MAML3: variants seen among roughly 807,000 people sequenced by gnomAD.
MAML3 encodes mastermind like transcriptional coactivator 3.
MAML3 carries 27 observed loss-of-function variants against 101.9 expected under a neutral mutation model. That is an observed-to-expected ratio of 0.27 (90% CI 0.20 to 0.37). The LOEUF is 0.37. Ranked by LOEUF, MAML3 falls within the 10% of genes least tolerant of loss-of-function variation. The pLI is 1.00. For synonymous variants in MAML3, 501 were observed against 555.9 expected (o/e 0.90, Z 1.39); for missense variants, 1,316 against 1,444.9 (o/e 0.91, Z 1.45).
intron 1 of MAML3, among the ~76,000 whole-genome samples, chr4:139,921,817 G>A (rs1479868195): frequency 6.6e-6 from 1 of 152,148 alleles, no homozygotes; most frequent in Admixed American, 6.5e-5. Flanking sequence ...CTGGCCTAAC[G>A]GATGCTTGTT....
rs142731712 is a variant in MAML3 at position 139,983,660 on chromosome 4, T to A, written c.469-92693A>T. ...CAAAAAGTTTCAGATAGTGGAGCAT[T>A]TCAGATTTCAGATTTTTGGATTTGG... On this transcript the variant is annotated intron_variant, in intron 1 of 4. Transcript: ENST00000509479. Among the ~76,000 whole-genome samples the A allele has an allele frequency of 4.1e-3, 619 of 152,318 alleles. 1 individual carries two copies. The highest frequency in any genetic ancestry group is 0.013 in the South Asian group (61 of 4,822).
intron 1 of MAML3, among the ~76,000 whole-genome samples, chr4:139,994,700 CG>C (rs923554263): frequency 6.6e-6 from 1 of 151,794 alleles, no homozygotes; most frequent in Non-Finnish European, 1.5e-5. Flanking sequence ...AGAAATGGAA[CG>C]TTTTTGTATA....
chr4:140,069,368 GA>G (rs1727593019), intron 1 of MAML3, among the ~76,000 whole-genome samples: 1 of 134,774 alleles, frequency 7.4e-6, no homozygotes, highest in Admixed American at 8.0e-5. Context: ...AGGAGAAGAA[GA>G]AGAAGAAGAA....
intron 1 of MAML3, among the ~76,000 whole-genome samples, chr4:139,966,306 C>T (rs974182877): frequency 3.3e-5 from 5 of 152,016 alleles, no homozygotes; most frequent in East Asian, 1.9e-4. Flanking sequence ...TCATTTTAAC[C>T]GAGCACCCCA....
chr4:140,055,634 G>T (rs1309213499), intron 1 of MAML3, among the ~76,000 whole-genome samples: 6 of 152,148 alleles, frequency 3.9e-5, no homozygotes, highest in Non-Finnish European at 8.8e-5. Flanking sequence ...CTCTTGGGAG[G>T]TAAAAATATA....
At chr4:139,915,384 T>C (rs1733006476) in intron 1 of MAML3, among the ~76,000 whole-genome samples, 2 of 152,214 alleles carry the variant, frequency 1.3e-5, no homozygotes, top group African/African-American at 4.8e-5. Flanking sequence ...CAAAGGGAGA[T>C]GACCAAGTCT....
chr4:140,051,987 A>T (rs1727277077), intron 1 of MAML3, among the ~76,000 whole-genome samples: 1 of 152,132 alleles, frequency 6.6e-6, no homozygotes, highest in South Asian at 2.1e-4. Flanking sequence ...CCTGTGTGTT[A>T]ATTTGTGTTA....
intron 2 of MAML3, among the ~76,000 whole-genome samples, chr4:139,749,857 T>C (rs1475727130): frequency 6.6e-6 from 1 of 150,838 alleles, no homozygotes; most frequent in Non-Finnish European, 1.5e-5. Context: ...TGTCCCCCTT[T>C]CAACTCTCAT....
At chr4:139,824,520 T>TAATCAACTTCA (rs1364942029) in intron 2 of MAML3, among the ~76,000 whole-genome samples, 3 of 152,224 alleles carry the variant, frequency 2.0e-5, no homozygotes, top group Non-Finnish European at 4.4e-5. Flanking sequence ...CTCTTAGGTA[T>TAATCAACTTCA]AATCAACTTC....
Position 139,904,835 on chromosome 4 carries a change from T to C in MAML3, c.469-13868A>G, listed in dbSNP as rs147800683. Among the ~76,000 whole-genome samples, 526 of 152,350 alleles carry C rather than the reference T, an allele frequency of 3.5e-3. 7 individuals carry two copies. The highest frequency in any genetic ancestry group is 0.012 in the African/African-American group (502 of 41,572). On this transcript the variant is annotated intron_variant, in intron 1 of 4. Transcript: ENST00000509479. ...CTAGGCTACAAACCTGTACAGCATGTTACTGTACTGAATACTATAGGCAAC... is the reference window on the plus strand; with the variant it reads ...CTAGGCTACAAACCTGTACAGCATGCTACTGTACTGAATACTATAGGCAAC...
chr4:140,131,817 T>C (rs1728799340), intron 1 of MAML3, among the ~76,000 whole-genome samples: 1 of 152,162 alleles, frequency 6.6e-6, no homozygotes. Context: ...CCAGGGGCTG[T>C]GAAGGGTGAA....
chr4:139,832,270 A>AT lies in MAML3; in HGVS notation c.2079+57086dup, dbSNP rs201591432. 3.0e-3 allele frequency among the ~76,000 whole-genome samples: 425 copies of AT among 139,430 alleles called. 1 individual carries two copies. The highest frequency in any genetic ancestry group is 7.3e-3 in the African/African-American group (258 of 35,256). 91.5% of individuals were successfully genotyped at this position (139,430 alleles called of 152,430 possible). ...CAGGCGTGTGCCACTACGCCCAGCTATTTTTTTTTTTATTTTTATTTTTAG... is the reference window on the plus strand; with the variant it reads ...CAGGCGTGTGCCACTACGCCCAGCTATTTTTTTTTTTTATTTTTATTTTTAG... On this transcript the variant is annotated intron_variant, in intron 2 of 4. Coordinates refer to ENST00000509479, the MANE Select transcript of MAML3 (RefSeq NM_018717.5).
intron 2 of MAML3, among the ~76,000 whole-genome samples, chr4:139,854,054 C>T (rs1731610898): frequency 6.6e-6 from 1 of 151,906 alleles, no homozygotes; most frequent in Admixed American, 6.6e-5. Flanking sequence ...AACTCCTGGT[C>T]TCAGGTGATC....
chr4:140,098,739 A>G (rs1728201583), intron 1 of MAML3, among the ~76,000 whole-genome samples: 2 of 152,234 alleles, frequency 1.3e-5, no homozygotes, highest in Non-Finnish European at 2.9e-5. Flanking sequence ...CGGGCTATTC[A>G]CCTGGGGACC....
chr4:139,959,683 T>C (rs1733975865), intron 1 of MAML3, among the ~76,000 whole-genome samples: 1 of 152,186 alleles, frequency 6.6e-6, no homozygotes, highest in African/African-American at 2.4e-5. Context: ...TGGGAAAACA[T>C]TGACGGTATT....
intron 1 of MAML3, among the ~76,000 whole-genome samples, chr4:139,970,829 T>C (rs1734222920): frequency 6.6e-6 from 1 of 152,202 alleles, no homozygotes; most frequent in Non-Finnish European, 1.5e-5. Context: ...AAGCAGGGCC[T>C]ATGGCTTTTC....
chr4:139,854,826 T>C (rs1288550844), intron 2 of MAML3, among the ~76,000 whole-genome samples: 1 of 85,800 alleles, frequency 1.2e-5, no homozygotes, highest in Non-Finnish European at 3.7e-5. Flanking sequence ...TCCAGCAGCA[T>C]GGTATAGCTG....
At chr4:139,819,607 A>T (rs1370114585) in intron 2 of MAML3, among the ~76,000 whole-genome samples, 3 of 152,156 alleles carry the variant, frequency 2.0e-5, no homozygotes, top group Non-Finnish European at 2.9e-5. Context: ...CAATTGGACT[A>T]TACTGCCACC....
intron 1 of MAML3, among the ~76,000 whole-genome samples, chr4:139,961,596 G>A (rs769673): frequency 0.37 from 55,689 of 151,942 alleles, 11,099 homozygotes; most frequent in African/African-American, 0.53. Context: ...TTCTAGTTCC[G>A]CATTCCTATG....
Sources: allele counts gnomAD v4.1 joint callset (sites outside exome capture counted in the v4.1 genomes callset), GRCh38; gene constraint gnomAD v4.1.1; transcripts MANE v1.5; gene names NCBI Gene and HGNC (gene_info 2026-07-23, HGNC 2026-07-21).